The following SNRNP70 variants were observed in gnomAD, a reference collection of about 807,000 sequenced individuals.
The protein encoded by SNRNP70 is U1 small nuclear ribonucleoprotein 70 kDa.
SNRNP70 carries 8 observed loss-of-function variants against 50.5 expected under a neutral mutation model. The observed-to-expected ratio is 0.16, with a 90% CI of 0.09 to 0.29. The LOEUF is 0.29. Ranked by LOEUF, SNRNP70 falls within the 10% of genes least tolerant of loss-of-function variation. The probability of loss-of-function intolerance (pLI) is 1.00; values close to 1 mark genes in which losing one functional copy is unlikely to be tolerated. For synonymous variants in SNRNP70, 320 were observed against 252.9 expected (o/e 1.27, Z -2.52); for missense variants, 529 against 663.5 (o/e 0.80, Z 2.23).
At position 49,108,239 on chromosome 19, in the gene SNRNP70, T is replaced by TGACCGTGACCGTGACCGC. The variant is rs2040707299; in HGVS notation, c.1113_1130dup (p.Asp371_Arg376dup). ...GCGAGCGGCGCCGGGACCGGGATCG[T>TGACCGTGACCGTGACCGC]GACCGTGACCGTGACCGCGAGCACA... is the stretch of plus-strand genomic sequence containing the variant. On this transcript the variant is annotated inframe_insertion, in exon 10 of 10. Coordinates refer to ENST00000598441, the MANE Select transcript of SNRNP70 (RefSeq NM_003089.6). The TGACCGTGACCGTGACCGC allele has an allele frequency of 6.5e-7, 1 of 1,535,686 alleles. No homozygotes were observed. The highest frequency in any genetic ancestry group is 1.4e-5 in the African/African-American group (1 of 71,988).
chr19:49,087,587 T>C (rs1333916804), intron 2 of SNRNP70: 2 of 152,200 alleles, frequency 1.3e-5, no homozygotes, highest in African/African-American at 4.8e-5. Flanking sequence ...ATGAATGACT[T>C]AGGCTCCTGG....
intron 4 of SNRNP70, among the ~76,000 whole-genome samples, chr19:49,098,211 TTA>T (rs1478841764): frequency 6.6e-6 from 1 of 152,168 alleles, no homozygotes; most frequent in African/African-American, 2.4e-5. Flanking sequence ...GCAGCCTGGA[TTA>T]TCTCTCAGCC....
At position 49,098,636 on chromosome 19, in the gene SNRNP70, T is replaced by C; in HGVS notation, c.331-6T>C. Reference sequence around the variant, plus strand: ...CCCATTTAACGTCATATCCATCTCCTTGTAGAATTATGACACAACAGAATC... The same window carrying C: ...CCCATTTAACGTCATATCCATCTCCCTGTAGAATTATGACACAACAGAATC... On this transcript the variant is annotated splice_region_variant and splice_polypyrimidine_tract_variant and intron_variant, in intron 5 of 9. Coordinates refer to ENST00000598441, the MANE Select transcript of SNRNP70 (RefSeq NM_003089.6). 1 of 1,613,442 alleles carries C rather than the reference T, an allele frequency of 6.2e-7. No homozygotes were observed. Among genetic ancestry groups the C allele is most frequent in the Middle Eastern group, 1.6e-4 (1 of 6,062 alleles).
At chr19:49,095,280 G>C (rs1466782595) in intron 4 of SNRNP70, among the ~76,000 whole-genome samples, 1 of 152,214 alleles carries the variant, frequency 6.6e-6, no homozygotes, top group African/African-American at 2.4e-5. Context: ...CCACTCCCCA[G>C]CCCTGCAGCA....
Position 49,108,600 on chromosome 19 carries a change from G to A in SNRNP70, c.*157G>A. ...GATTTAAAAATAAAATTAATTTCCT[G>A]TTGATAGTGGGCACCTCGGTTTCTT... On this transcript the variant is annotated 3_prime_UTR_variant, in exon 10 of 10. Coordinates refer to ENST00000598441, the MANE Select transcript of SNRNP70 (RefSeq NM_003089.6). 1 of 971,482 alleles carries A rather than the reference G, an allele frequency of 1.0e-6. No individual in the cohort carries two copies. The highest frequency in any genetic ancestry group is 1.5e-6 in the Non-Finnish European group (1 of 678,496). 60.2% of individuals were successfully genotyped at this position (971,482 alleles called of 1,614,324 possible).
chr19:49,095,190 T>A (rs1013754669), intron 4 of SNRNP70, among the ~76,000 whole-genome samples: 1 of 152,244 alleles, frequency 6.6e-6, no homozygotes, highest in Non-Finnish European at 1.5e-5. Context: ...AAGCAAGTGC[T>A]CCAGGGAACT....
In SNRNP70 at chr19:49,108,063, G is replaced by T; in HGVS notation, c.934G>T (p.Gly312Cys). 2 of 1,552,228 alleles carry T rather than the reference G, an allele frequency of 1.3e-6. No homozygotes were observed. Among genetic ancestry groups the T allele is most frequent in the East Asian group, 2.4e-5 (1 of 41,960 alleles). Reference protein sequence around the residue: ...ERERKEELRGGGGDMAEPSEA... With the variant: ...ERERKEELRGCGGDMAEPSEA... Reference sequence around the variant, plus strand: ...GGAGCGCAAGGAGGAGCTGCGTGGCGGCGGTGGCGACATGGCGGAGCCCTC... The same window carrying T: ...GGAGCGCAAGGAGGAGCTGCGTGGCTGCGGTGGCGACATGGCGGAGCCCTC... Residue 312 changes from glycine (G) to cysteine (C), a missense_variant, in exon 10 of 10, where the codon GGC becomes TGC. This residue lies in a region of SNRNP70 where 327 missense variants were observed against 308.8 expected (regional missense o/e 1.06). Coordinates refer to ENST00000598441, the MANE Select transcript of SNRNP70 (RefSeq NM_003089.6).
At chr19:49,092,642 C>T (rs2040461783) in intron 4 of SNRNP70, among the ~76,000 whole-genome samples, 1 of 152,102 alleles carries the variant, frequency 6.6e-6, no homozygotes, top group Non-Finnish European at 1.5e-5. Context: ...CTCCTGACCT[C>T]AGGTGATCCA....
Position 49,108,412 on chromosome 19 carries a change from A to G in SNRNP70, c.1283A>G (p.Asn428Ser). Residue 428 changes from asparagine (N) to serine (S), a missense_variant, in exon 10 of 10, where the codon AAT becomes AGT. By Grantham distance (46) the Asn-to-Ser change is conservative. Coordinates refer to ENST00000598441, the MANE Select transcript of SNRNP70 (RefSeq NM_003089.6). ...GGCGACGGCTACCTGGCTCCGGAGA[A>G]TGGGTATTTGATGGAGGCTGCGCCG... ...EGGDGYLAPE[N>S]GYLMEAAPE The G allele has an allele frequency of 6.2e-7, 1 of 1,610,350 alleles. No homozygotes were observed. The highest frequency in any genetic ancestry group is 8.5e-7 in the Non-Finnish European group (1 of 1,178,454).
At chr19:49,100,348 C>T (rs1261054672) in intron 6 of SNRNP70, among the ~76,000 whole-genome samples, 1 of 152,150 alleles carries the variant, frequency 6.6e-6, no homozygotes, top group Admixed American at 6.5e-5. Context: ...CACCATCTGG[C>T]CTTCCAGGGC....
Position 49,104,820 on chromosome 19 carries a change from CTG to C in SNRNP70, c.577+87_577+88del. On this transcript the variant is annotated intron_variant, in intron 8 of 9. Transcript: ENST00000598441. This position sits in a 1 kb window ranked among gnomAD's most constrained non-coding sequence, Gnocchi z 5.4. ...CCCTTCTCTGCTGCTTTCTGCTTCT[CTG>C]TCTCCTGCCGGCCCACCTCTCCCAT... The C allele has an allele frequency of 1.2e-6, 1 of 816,392 alleles. No individual in the cohort carries two copies. Among genetic ancestry groups the C allele is most frequent in the South Asian group, 1.8e-5 (1 of 54,862 alleles). The allele number at this position is 816,392 out of a possible 1,614,324, so 50.6% of individuals were successfully genotyped here.
chr19:49,105,913 C>A (rs975563490), intron 8 of SNRNP70, among the ~76,000 whole-genome samples: 16 of 152,192 alleles, frequency 1.1e-4, no homozygotes, highest in South Asian at 4.1e-4. Context: ...TCTCTTGTTT[C>A]GGGGTGGGCA....
At chr19:49,093,678 C>CA (rs1270724114) in intron 4 of SNRNP70, among the ~76,000 whole-genome samples, 20,282 of 62,984 alleles carry the variant, frequency 0.32, 3,262 homozygotes, top group Non-Finnish European at 0.39. Flanking sequence ...GATTCCATCT[C>CA]AAAAAAAAAA....
chr19:49,102,391 A>C (rs2040599959), intron 7 of SNRNP70: 4 of 297,888 alleles, frequency 1.3e-5, no homozygotes, highest in Non-Finnish European at 2.8e-5. Context: ...CAGGAGGGGA[A>C]GGATGAACCT....
At chr19:49,099,612 G>A (rs975207023) in intron 6 of SNRNP70, among the ~76,000 whole-genome samples, 7 of 151,842 alleles carry the variant, frequency 4.6e-5, no homozygotes, top group Admixed American at 1.3e-4. Context: ...GATAGCGGGC[G>A]CCCGTAATCC....
At chr19:49,095,014 C>T (rs867275595) in intron 4 of SNRNP70, among the ~76,000 whole-genome samples, 2 of 152,254 alleles carry the variant, frequency 1.3e-5, no homozygotes, top group Non-Finnish European at 2.9e-5. Context: ...GGAGAGCTGC[C>T]GTCAGGGCGC....
At chr19:49,093,858 A>AAAAAC (rs1223428957) in intron 4 of SNRNP70, among the ~76,000 whole-genome samples, 1 of 149,142 alleles carries the variant, frequency 6.7e-6, no homozygotes, top group African/African-American at 2.5e-5. Flanking sequence ...AAACAAAAAC[A>AAAAAC]AAAACAAAAC....
In SNRNP70 at chr19:49,086,579, G is replaced by T. The variant is rs1906967546; in HGVS notation, c.147+18G>T. The T allele has an allele frequency of 5.6e-6, 9 of 1,612,590 alleles. No individual in the cohort carries two copies. Among genetic ancestry groups the T allele is most frequent in the Non-Finnish European group, 7.6e-6 (9 of 1,179,070 alleles). ...AGTTTGAGGTGAGTTCACTGAGCAGGCCAGGAATGGTTTGGGTTCTGGGGA... is the reference window on the plus strand; with the variant it reads ...AGTTTGAGGTGAGTTCACTGAGCAGTCCAGGAATGGTTTGGGTTCTGGGGA... On this transcript the variant is annotated intron_variant, in intron 2 of 9. Coordinates refer to ENST00000598441, the MANE Select transcript of SNRNP70 (RefSeq NM_003089.6).
chr19:49,090,575 TCCCAGGTCATA>T, intron 4 of SNRNP70, 55 bp downstream of exon 4: 1 of 1,540,962 alleles, frequency 6.5e-7, no homozygotes, highest in South Asian at 1.1e-5. Context: ...TCTGTATTCT[TCCCAGGTCATA>T]CCCAGGACCC....
Sources: gnomAD v4.1 joint callset for allele counts (sites outside exome capture counted in the v4.1 genomes callset) on GRCh38, gnomAD v4.1.1 for gene constraint, gnomAD v4.1.1 regional missense constraint, Gnocchi (gnomAD v3.1) non-coding constraint, MANE v1.5 for transcripts, NCBI Gene and HGNC (gene_info 2026-07-23, HGNC 2026-07-21) for gene names.